The following UBE3A variants were observed in gnomAD, a reference collection of about 807,000 sequenced individuals.
UBE3A encodes ubiquitin-protein ligase E3A.
In UBE3A, 6 loss-of-function variants were observed where a neutral mutation model predicts 83.4. The observed-to-expected ratio is 0.07, with a 90% CI of 0.04 to 0.14. The LOEUF (loss-of-function observed/expected upper bound fraction) is 0.14. Among genes scored for constraint, UBE3A ranks in the 10% least tolerant of loss-of-function variants. The pLI is 1.00. For synonymous variants in UBE3A, 337 were observed against 355.4 expected (o/e 0.95, Z 0.58); for missense variants, 456 against 1,036.1 (o/e 0.44, Z 7.69).
intron 11 of UBE3A, chr15:25,346,548 C>A (rs2152565610): frequency 6.6e-6 from 1 of 152,224 alleles, no homozygotes; most frequent in African/African-American, 2.4e-5. Flanking sequence ...AACGCCAACA[C>A]TGGGATGAGT....
intron 6 of UBE3A, among the ~76,000 whole-genome samples, chr15:25,367,257 G>A (rs1300808519): frequency 3.0e-5 from 2 of 67,148 alleles, no homozygotes; most frequent in South Asian, 4.4e-4. Context: ...TTGCATATTT[G>A]TAAATATGTA....
At chr15:25,383,336 C>A (rs1269806089) in intron 4 of UBE3A, among the ~76,000 whole-genome samples, 1 of 152,040 alleles carries the variant, frequency 6.6e-6, no homozygotes, top group Non-Finnish European at 1.5e-5. Flanking sequence ...AATCAACACC[C>A]TTTTAGGATT....
intron 1 of UBE3A, among the ~76,000 whole-genome samples, chr15:25,413,952 TTC>T (rs1230968804): frequency 6.6e-6 from 1 of 152,156 alleles, no homozygotes; most frequent in African/African-American, 2.4e-5. Context: ...CTCTCCAAGT[TTC>T]TGTCAATAGC....
intron 4 of UBE3A, among the ~76,000 whole-genome samples, chr15:25,384,725 A>G (rs914985180): frequency 6.6e-6 from 1 of 152,204 alleles, no homozygotes; most frequent in Admixed American, 6.5e-5. Flanking sequence ...CTGGACAAAA[A>G]ACAAAGCTAG....
chr15:25,360,335 A>C (rs1204538629), intron 7 of UBE3A, 48 bp downstream of exon 7: 3 of 1,609,174 alleles, frequency 1.9e-6, no homozygotes, highest in Non-Finnish European at 2.5e-6. Flanking sequence ...ACAAATAACT[A>C]ACTCAAAAGA....
At chr15:25,385,078 C>A (rs2082871782) in intron 4 of UBE3A, among the ~76,000 whole-genome samples, 1 of 152,124 alleles carries the variant, frequency 6.6e-6, no homozygotes, top group South Asian at 2.1e-4. Flanking sequence ...ACCAAAAGCA[C>A]AAGCAACCAA....
intron 4 of UBE3A, among the ~76,000 whole-genome samples, chr15:25,396,467 C>A (rs946804153): frequency 1.3e-5 from 2 of 150,806 alleles, no homozygotes; most frequent in Admixed American, 6.6e-5. Flanking sequence ...CAAACAAAAA[C>A]ACTGTTTTAG....
At position 25,370,442 on chromosome 15, in the gene UBE3A, C is replaced by G. The variant is rs1314293215; in HGVS notation, c.1608+124G>C. On this transcript the variant is annotated intron_variant, in intron 6 of 12. Coordinates refer to ENST00000648336, the MANE Select transcript of UBE3A (RefSeq NM_130839.5). The surrounding 1 kb of genome is among the most constrained non-coding windows in gnomAD (Gnocchi z 4.2). ...CAAAAGTATAATACTTATATAAGATCAGAAATGTCCATGTGTTCCTATGCT... is the reference window on the plus strand; with the variant it reads ...CAAAAGTATAATACTTATATAAGATGAGAAATGTCCATGTGTTCCTATGCT... 6 of 1,148,764 alleles carry G rather than the reference C, an allele frequency of 5.2e-6. No homozygotes were observed. The highest frequency in any genetic ancestry group is 7.8e-6 in the Non-Finnish European group (6 of 765,374). 71.2% of individuals were successfully genotyped at this position (1,148,764 alleles called of 1,614,324 possible).
intron 4 of UBE3A, among the ~76,000 whole-genome samples, chr15:25,401,237 A>C (rs1486066089): frequency 6.6e-6 from 1 of 152,204 alleles, no homozygotes; most frequent in Non-Finnish European, 1.5e-5. Context: ...TTCTGCATCT[A>C]AATTAAGAAT....
intron 6 of UBE3A, among the ~76,000 whole-genome samples, chr15:25,364,036 T>TAATAAATA (rs370238150): frequency 0.19 from 26,185 of 137,342 alleles, 2,747 homozygotes; most frequent in East Asian, 0.4. Flanking sequence ...TACAAAAAAC[T>TAATAAATA]AATAAATAAA....
At chr15:25,386,203 G>T (rs1408241166) in intron 4 of UBE3A, among the ~76,000 whole-genome samples, 2 of 152,054 alleles carry the variant, frequency 1.3e-5, no homozygotes, top group Non-Finnish European at 2.9e-5. Context: ...TCACTAAAAA[G>T]ACTGACCTAA....
chr15:25,361,164 C>T (rs948431211), intron 6 of UBE3A, among the ~76,000 whole-genome samples: 7 of 146,658 alleles, frequency 4.8e-5, no homozygotes, highest in Middle Eastern at 3.5e-3. Context: ...CTCACTCTGT[C>T]GCCTAGGCTG....
At chr15:25,342,348 C>G (rs1332015824) in intron 11 of UBE3A, among the ~76,000 whole-genome samples, 1 of 151,834 alleles carries the variant, frequency 6.6e-6, no homozygotes, top group Non-Finnish European at 1.5e-5. Flanking sequence ...AGTGGCAGAT[C>G]AGCAGTGGTC....
At chr15:25,430,924 A>C (rs1354355259) in intron 1 of UBE3A, among the ~76,000 whole-genome samples, 1 of 152,168 alleles carries the variant, frequency 6.6e-6, no homozygotes, top group Non-Finnish European at 1.5e-5. Context: ...CTTATCCCAT[A>C]CTGAGTTAAA....
At chr15:25,360,644 T>C (rs2077912289) in intron 6 of UBE3A, 117 bp from the exon 7 acceptor site, 1 of 1,194,002 alleles carries the variant, frequency 8.4e-7, no homozygotes. Flanking sequence ...TTTTTGTATG[T>C]AAATGGAAAC....
intron 6 of UBE3A, among the ~76,000 whole-genome samples, chr15:25,361,768 A>G (rs1266335193): frequency 6.6e-6 from 1 of 152,166 alleles, no homozygotes; most frequent in African/African-American, 2.4e-5. Flanking sequence ...TGGAGATGAA[A>G]ATTTACCAAA....
At chr15:25,408,441 A>G in intron 3 of UBE3A, 2 of 848,956 alleles carry the variant, frequency 2.4e-6, no homozygotes, top group Non-Finnish European at 3.8e-6. Context: ...GTGTGTCAGA[A>G]TAACAAGTCA....
intron 5 of UBE3A, among the ~76,000 whole-genome samples, chr15:25,372,994 C>CA (rs2152831773): frequency 6.6e-6 from 1 of 152,246 alleles, no homozygotes; most frequent in East Asian, 1.9e-4. Flanking sequence ...TTTTATCATA[C>CA]TAAGGATCTG....
intron 3 of UBE3A, 135 bp from the exon 4 acceptor site, chr15:25,405,637 C>T (rs1039196802): frequency 4.3e-6 from 4 of 934,680 alleles, no homozygotes; most frequent in Admixed American, 4.2e-5. Flanking sequence ...TTAAAGATGT[C>T]AACATGAAAG....
Sources: allele counts gnomAD v4.1 joint callset (sites outside exome capture counted in the v4.1 genomes callset), GRCh38; gene constraint gnomAD v4.1.1; non-coding constraint Gnocchi (gnomAD v3.1); transcripts MANE v1.5; gene names NCBI Gene and HGNC (gene_info 2026-07-23, HGNC 2026-07-21).